Variants in KCNT2 observed in about 807,000 individuals in gnomAD.
KCNT2 encodes the protein potassium sodium-activated channel subfamily T member 2.
A neutral mutation model predicts 153.8 loss-of-function variants in KCNT2; 67 were observed. The observed-to-expected ratio is 0.44, with a 90% CI of 0.36 to 0.53. KCNT2 has a LOEUF of 0.53. Ranked by LOEUF, KCNT2 falls within the 20% of genes least tolerant of loss-of-function variation. The probability of loss-of-function intolerance (pLI) is 0.00; values close to 1 mark genes in which losing one functional copy is unlikely to be tolerated. For synonymous variants in KCNT2, 500 were observed against 458.8 expected (o/e 1.09, Z -1.15); for missense variants, 975 against 1,354.8 (o/e 0.72, Z 4.40).
intron 8 of KCNT2, among the ~76,000 whole-genome samples, chr1:196,458,992 C>A (rs1015994079): frequency 6.6e-6 from 1 of 151,782 alleles, no homozygotes; most frequent in African/African-American, 2.4e-5. Flanking sequence ...TCAGTGAATA[C>A]CAATTAAATT....
At chr1:196,574,008 A>T (rs879453748) in intron 1 of KCNT2, among the ~76,000 whole-genome samples, 1 of 151,972 alleles carries the variant, frequency 6.6e-6, no homozygotes, top group Non-Finnish European at 1.5e-5. Context: ...ATCTAAGTAT[A>T]CAAAACCGGA....
intron 8 of KCNT2, among the ~76,000 whole-genome samples, chr1:196,442,269 T>C (rs1675300068): frequency 6.6e-6 from 1 of 151,828 alleles, no homozygotes; most frequent in South Asian, 2.1e-4. Flanking sequence ...TGAGAACACT[T>C]TCAATTTGTT....
chr1:196,344,845 T>A (rs150306982), intron 14 of KCNT2, among the ~76,000 whole-genome samples: 7 of 152,180 alleles, frequency 4.6e-5, no homozygotes, highest in African/African-American at 1.7e-4. Context: ...TCAGGCAGCA[T>A]CTTTTTTTAG....
At chr1:196,403,695 G>T (rs2148457654) in intron 12 of KCNT2, among the ~76,000 whole-genome samples, 1 of 151,254 alleles carries the variant, frequency 6.6e-6, no homozygotes, top group Admixed American at 6.6e-5. Context: ...TATATTTTTT[G>T]TTCCATTCTC....
intron 1 of KCNT2, among the ~76,000 whole-genome samples, chr1:196,578,074 T>C (rs752763534): frequency 6.6e-6 from 1 of 152,176 alleles, no homozygotes; most frequent in Non-Finnish European, 1.5e-5. Context: ...TGCTATACTT[T>C]CTGCTGTAGT....
chr1:196,351,185 G>A (rs1260702269), intron 14 of KCNT2, among the ~76,000 whole-genome samples: 1 of 152,080 alleles, frequency 6.6e-6, no homozygotes, highest in East Asian at 1.9e-4. Context: ...TTGGTGATGC[G>A]GGCTTTTTTT....
intron 1 of KCNT2, among the ~76,000 whole-genome samples, chr1:196,522,099 T>A (rs775780160): frequency 6.6e-6 from 1 of 152,212 alleles, no homozygotes; most frequent in East Asian, 1.9e-4. Context: ...CTGTAACTTA[T>A]ATTTAAACAA....
intron 13 of KCNT2, among the ~76,000 whole-genome samples, chr1:196,379,436 G>A (rs1460465804): frequency 6.6e-6 from 1 of 152,002 alleles, no homozygotes; most frequent in Non-Finnish European, 1.5e-5. Context: ...GCCAGGCGTG[G>A]TTGTGCATGC....
chr1:196,514,510 A>T (rs998079731), intron 1 of KCNT2, among the ~76,000 whole-genome samples: 19 of 152,192 alleles, frequency 1.2e-4, no homozygotes, highest in African/African-American at 4.3e-4. Flanking sequence ...TTTCTTACTG[A>T]TACTTTCAGA....
At chr1:196,561,141 C>T (rs1366150013) in intron 1 of KCNT2, among the ~76,000 whole-genome samples, 3 of 151,428 alleles carry the variant, frequency 2.0e-5, no homozygotes, top group South Asian at 2.1e-4. Flanking sequence ...AATGTATAGG[C>T]CATAATAGAT....
intron 16 of KCNT2, among the ~76,000 whole-genome samples, chr1:196,336,552 C>T (rs1312799779): frequency 6.6e-6 from 1 of 152,152 alleles, no homozygotes; most frequent in Non-Finnish European, 1.5e-5. Context: ...AGCTACAAAT[C>T]CATTTCTTTT....
chr1:196,607,646 CACTA>C (rs1467035782), intron 1 of KCNT2, among the ~76,000 whole-genome samples: 2 of 152,168 alleles, frequency 1.3e-5, no homozygotes, highest in African/African-American at 4.8e-5. Flanking sequence ...TTGTCATTTT[CACTA>C]ACTACCTGTT....
At chr1:196,268,235 C>T (rs1483226649) in intron 25 of KCNT2, among the ~76,000 whole-genome samples, 2 of 152,126 alleles carry the variant, frequency 1.3e-5, no homozygotes, top group African/African-American at 4.8e-5. Flanking sequence ...AGGTAAAGAA[C>T]TCTGGGAATC....
chr1:196,320,557 G>A (rs1663196228), intron 19 of KCNT2, among the ~76,000 whole-genome samples: 1 of 151,706 alleles, frequency 6.6e-6, no homozygotes, highest in Admixed American at 6.6e-5. Flanking sequence ...ATGAGGAGGA[G>A]AAGAAAATTC....
intron 13 of KCNT2, among the ~76,000 whole-genome samples, chr1:196,391,865 TA>T (rs948186629): frequency 6.6e-6 from 1 of 151,276 alleles, no homozygotes; most frequent in Admixed American, 6.6e-5. Flanking sequence ...AACTATTGCA[TA>T]AAAATTTTTA....
At chr1:196,473,097 A>T (rs986255224) in intron 5 of KCNT2, among the ~76,000 whole-genome samples, 6 of 152,186 alleles carry the variant, frequency 3.9e-5, no homozygotes, top group African/African-American at 1.4e-4. Flanking sequence ...AACATGCCTT[A>T]AGTATACTTT....
At chr1:196,565,680 C>A (rs757073159) in intron 1 of KCNT2, among the ~76,000 whole-genome samples, 1 of 150,522 alleles carries the variant, frequency 6.6e-6, no homozygotes, top group Non-Finnish European at 1.5e-5. Context: ...CATGCATGAA[C>A]CTAGAGGACA....
At chr1:196,568,859 C>T (rs993850454) in intron 1 of KCNT2, among the ~76,000 whole-genome samples, 2 of 151,658 alleles carry the variant, frequency 1.3e-5, no homozygotes, top group Non-Finnish European at 2.9e-5. Flanking sequence ...CAGAAAGACA[C>T]TATGCTTGGC....
chr1:196,589,487 A>C (rs1663084980), intron 1 of KCNT2, among the ~76,000 whole-genome samples: 2 of 152,096 alleles, frequency 1.3e-5, no homozygotes, highest in Admixed American at 1.3e-4. Flanking sequence ...AAATTTTCTA[A>C]GTTTAAGCAT....
Sources: allele counts gnomAD v4.1 joint callset (sites outside exome capture counted in the v4.1 genomes callset), GRCh38; gene constraint gnomAD v4.1.1; transcripts MANE v1.5; gene names NCBI Gene and HGNC (gene_info 2026-07-23, HGNC 2026-07-21).